ASH1L: variants seen among roughly 807,000 people sequenced by gnomAD.
The protein encoded by ASH1L is histone-lysine N-methyltransferase ASH1L.
A neutral mutation model predicts 269.0 loss-of-function variants in ASH1L; 23 were observed. The observed-to-expected ratio is 0.09, with a 90% CI of 0.06 to 0.12. The LOEUF (loss-of-function observed/expected upper bound fraction) is 0.12. Ranked by LOEUF, ASH1L falls within the 10% of genes least tolerant of loss-of-function variation. The pLI, the probability that ASH1L is intolerant of heterozygous loss-of-function variation, is 1.00. For missense variants in ASH1L, 2,912 were observed against 3,567.8 expected, an observed-to-expected ratio of 0.82 and a Z score of 4.68; for synonymous variants, 1,187 against 1,253.5, an observed-to-expected ratio of 0.95 and a Z score of 1.12.
chr1:155,445,847 G>T (rs2148640914), intron 4 of ASH1L, among the ~76,000 whole-genome samples: 1 of 151,894 alleles, frequency 6.6e-6, no homozygotes, highest in Non-Finnish European at 1.5e-5. Context: ...TTTAATTTTA[G>T]TGAGTACATA....
intron 17 of ASH1L, among the ~76,000 whole-genome samples, chr1:155,350,201 AAT>A (rs955597576): frequency 2.6e-5 from 4 of 151,516 alleles, no homozygotes; most frequent in Admixed American, 2.6e-4. Context: ...TTGTATTTTT[AAT>A]AGAGACAGGG....
rs540873598 is a variant in ASH1L, at chr1:155,441,327, A to G, written c.5087-2259T>C. 4.6e-5 allele frequency among the ~76,000 whole-genome samples: 7 copies of G among 151,800 alleles called. No individual in the cohort carries two copies. The Admixed American group carries it at 4.6e-4, about 10-fold the overall frequency. ...CCACTCCCACCCCGGCCCCGCCACA[A>G]GCCCTTGGATTCAAGCTTCCAAGCT... On this transcript the variant is annotated intron_variant, in intron 4 of 27. Transcript: ENST00000392403.
At chr1:155,490,107 T>A (rs1469790669) in intron 2 of ASH1L, among the ~76,000 whole-genome samples, 1 of 151,714 alleles carries the variant, frequency 6.6e-6, no homozygotes, top group Non-Finnish European at 1.5e-5. Context: ...TAGCTGGGAC[T>A]ACGCCCGCCA....
chr1:155,360,680 G>T (rs1654866469), intron 12 of ASH1L, among the ~76,000 whole-genome samples: 1 of 151,428 alleles, frequency 6.6e-6, no homozygotes, highest in South Asian at 2.1e-4. Flanking sequence ...CTGACCTCAG[G>T]TGATCTGCCC....
intron 3 of ASH1L, among the ~76,000 whole-genome samples, chr1:155,464,517 CA>C (rs199682180): frequency 1.7e-3 from 229 of 134,070 alleles, no homozygotes; most frequent in East Asian, 7.2e-3. Context: ...AGGCAAGCTG[CA>C]AAAAAAAAAA....
chr1:155,479,321 A>C lies in ASH1L; in HGVS notation c.3549T>G (p.Ala1183=), dbSNP rs756970348. The C allele has an allele frequency of 6.2e-7, 1 of 1,614,156 alleles. No individual in the cohort carries two copies. The highest frequency in any genetic ancestry group is 1.7e-5 in the Admixed American group (1 of 60,014). The change falls in exon 3 of 28, where the codon GCT becomes GCG. Residue 1183 remains alanine (A), a synonymous_variant. Transcript: ENST00000392403. ...GAGACTCACTGATTGGGGAAGGAGT[A>C]GCTTCTTTTAGAGATGTGAGTTCAC... ...HLSELTSLKE[A]TPSPISESHS... is the part of the protein sequence containing the mutation.
In ASH1L at chr1:155,472,271, C is replaced by G. The variant is rs544819073; in HGVS notation, c.4984+5615G>C. ...CGCCACTGAACTCTAGCCTGGATGA[C>G]AGAGAGAGACTCCATCTCAAATAAA... is the stretch of plus-strand genomic sequence containing the variant. On this transcript the variant is annotated intron_variant, in intron 3 of 27. Coordinates refer to ENST00000392403, the MANE Select transcript of ASH1L (RefSeq NM_018489.3). Among the ~76,000 whole-genome samples, 14 of 152,248 alleles carry G rather than the reference C, an allele frequency of 9.2e-5. No individual in the cohort carries two copies. The East Asian group carries it at 2.5e-3, about 27-fold the overall frequency.
intron 5 of ASH1L, among the ~76,000 whole-genome samples, chr1:155,431,303 T>C (rs911892950): frequency 6.6e-6 from 1 of 151,776 alleles, no homozygotes; most frequent in African/African-American, 2.4e-5. Flanking sequence ...TATATATGTA[T>C]TTTTAGAGGC....
chr1:155,386,942 G>A (rs1657484697), intron 7 of ASH1L, among the ~76,000 whole-genome samples: 1 of 151,234 alleles, frequency 6.6e-6, no homozygotes, highest in South Asian at 2.1e-4. Flanking sequence ...TGCCTAGATT[G>A]TCTTTCAGGG....
At chr1:155,501,723 C>T (rs1176585453) in intron 2 of ASH1L, among the ~76,000 whole-genome samples, 5 of 152,194 alleles carry the variant, frequency 3.3e-5, no homozygotes, top group Non-Finnish European at 5.9e-5. Context: ...AGCGCAGTGG[C>T]GCAATCTCGG....
chr1:155,409,530 T>C (rs1170454763), intron 6 of ASH1L, among the ~76,000 whole-genome samples: 2 of 152,188 alleles, frequency 1.3e-5, no homozygotes, highest in Non-Finnish European at 2.9e-5. Context: ...TAATCAAAAA[T>C]GGCACCATCA....
At chr1:155,448,643 C>T (rs565154256) in intron 4 of ASH1L, among the ~76,000 whole-genome samples, 6 of 152,190 alleles carry the variant, frequency 3.9e-5, no homozygotes, top group South Asian at 2.1e-4. Context: ...TACAGGTGCG[C>T]GTGACCACGC....
At chr1:155,557,406 G>A (rs773929545) in intron 1 of ASH1L, among the ~76,000 whole-genome samples, 35 of 151,812 alleles carry the variant, frequency 2.3e-4, no homozygotes, top group Non-Finnish European at 3.2e-4. Context: ...GGGACTACAG[G>A]TGCCCATCAC....
intron 1 of ASH1L, among the ~76,000 whole-genome samples, chr1:155,532,331 ATAT>A (rs1335473213): frequency 2.0e-5 from 3 of 152,208 alleles, no homozygotes; most frequent in Non-Finnish European, 4.4e-5. Flanking sequence ...ATTACTAATT[ATAT>A]TAATAGGACA....
intron 3 of ASH1L, among the ~76,000 whole-genome samples, chr1:155,461,057 A>C (rs1271032561): frequency 2.0e-5 from 3 of 152,226 alleles, no homozygotes; most frequent in East Asian, 1.9e-4. Context: ...TTGATGGGAA[A>C]AAATTACAAA....
At position 155,521,313 on chromosome 1, in the gene ASH1L, T is replaced by C. The variant is rs1668870724; in HGVS notation, c.207A>G (p.Ala69=). 6.2e-7 allele frequency: 1 copy of C among 1,614,016 alleles called. No individual in the cohort carries two copies. The highest frequency in any genetic ancestry group is 8.5e-7 in the Non-Finnish European group (1 of 1,179,864). The change falls in exon 2 of 28, where the codon GCA becomes GCG. Residue 69 remains alanine (A), a synonymous_variant. Transcript: ENST00000392403. ...TTTCTTTCACTGAAAACTGTTGCTG[T>C]GCATCAGTCAAACCATCATCTTTCC... ...EAGKDDGLTD[A]QQQFSVKETN... is the part of the protein sequence containing the mutation.
intron 1 of ASH1L, among the ~76,000 whole-genome samples, chr1:155,559,692 T>C (rs879378299): frequency 6.6e-6 from 1 of 152,214 alleles, no homozygotes; most frequent in Admixed American, 6.5e-5. Flanking sequence ...TAGGAATGTT[T>C]CCCTCTTCCT....
At position 155,435,508 on chromosome 1, in the gene ASH1L, T is replaced by G. The variant is rs189085582; in HGVS notation, c.5828+2819A>C. Among the ~76,000 whole-genome samples, 3 of 152,248 alleles carry G rather than the reference T, an allele frequency of 2.0e-5. No individual in the cohort carries two copies. In the East Asian group the frequency reaches 5.8e-4, roughly 29 times the overall value. ...AAGTGAGAGCATGTGAAAAGAGACTTTTACTTTTAAATCAGTAAACTACTA... is the reference window on the plus strand; with the variant it reads ...AAGTGAGAGCATGTGAAAAGAGACTGTTACTTTTAAATCAGTAAACTACTA... On this transcript the variant is annotated intron_variant, in intron 5 of 27. Coordinates refer to ENST00000392403, the MANE Select transcript of ASH1L (RefSeq NM_018489.3).
chr1:155,424,815 T>C (rs537651223), intron 5 of ASH1L, among the ~76,000 whole-genome samples: 1 of 152,278 alleles, frequency 6.6e-6, no homozygotes, highest in Admixed American at 6.5e-5. Flanking sequence ...AAATTTTAAC[T>C]TTTTATTTGA....
Sources: gnomAD v4.1 joint callset for allele counts (sites outside exome capture counted in the v4.1 genomes callset) on GRCh38, gnomAD v4.1.1 for gene constraint, MANE v1.5 for transcripts, NCBI Gene and HGNC (gene_info 2026-07-23, HGNC 2026-07-21) for gene names.